CD109: variants seen among roughly 807,000 people sequenced by gnomAD.
CD109 encodes the protein CD109 antigen.
Under a neutral mutation model 165.8 loss-of-function variants are expected in CD109, and 149 were observed. That is an observed-to-expected ratio of 0.90 (90% CI 0.79 to 1.03). CD109 has a LOEUF of 1.03. Ranked by LOEUF, CD109 falls within the 50% of genes least tolerant of loss-of-function variation. CD109 has a pLI of 0.00. For missense variants in CD109, 1,712 were observed against 1,677.8 expected, an observed-to-expected ratio of 1.02 and a Z score of -0.36; for synonymous variants, 585 against 592.1, an observed-to-expected ratio of 0.99 and a Z score of 0.18.
At chr6:73,791,174 TATACACAC>T (rs1774937843) in intron 22 of CD109, among the ~76,000 whole-genome samples, 9 of 30,712 alleles carry the variant, frequency 2.9e-4, no homozygotes, top group African/African-American at 9.7e-4. Context: ...TATATATATA[TATACACAC>T]ACACACATAC....
chr6:73,740,783 G>T (rs2150193596), intron 5 of CD109, among the ~76,000 whole-genome samples: 1 of 151,770 alleles, frequency 6.6e-6, no homozygotes, highest in African/African-American at 2.4e-5. Flanking sequence ...AGTAGAGACG[G>T]TTTCATCATG....
chr6:73,701,797 A>G (rs1771092288), intron 2 of CD109, among the ~76,000 whole-genome samples: 1 of 152,164 alleles, frequency 6.6e-6, no homozygotes, highest in African/African-American at 2.4e-5. Context: ...AAAAAATGCT[A>G]GAGGCTGAGT....
intron 15 of CD109, among the ~76,000 whole-genome samples, chr6:73,777,406 C>G (rs1417354641): frequency 6.6e-6 from 1 of 151,396 alleles, no homozygotes; most frequent in Non-Finnish European, 1.5e-5. Context: ...TAGTTTCTTT[C>G]ACTGTGCAGA....
intron 6 of CD109, among the ~76,000 whole-genome samples, chr6:73,757,315 A>C (rs1773435663): frequency 6.6e-6 from 1 of 152,228 alleles, no homozygotes; most frequent in African/African-American, 2.4e-5. Flanking sequence ...GTAATACCTC[A>C]GGCTCTGTGG....
At chr6:73,707,237 G>T (rs1325711412) in intron 2 of CD109, among the ~76,000 whole-genome samples, 2 of 152,166 alleles carry the variant, frequency 1.3e-5, no homozygotes, top group African/African-American at 4.8e-5. Flanking sequence ...TGAATGCTGC[G>T]AAGGATTCTG....
intron 23 of CD109, among the ~76,000 whole-genome samples, chr6:73,800,936 G>A (rs1582181609): frequency 6.6e-6 from 1 of 152,036 alleles, no homozygotes; most frequent in East Asian, 1.9e-4. Context: ...TGCTTATAGT[G>A]TGTTTTGCCT....
chr6:73,765,435 C>A (rs141734133), intron 10 of CD109, among the ~76,000 whole-genome samples: 82 of 152,158 alleles, frequency 5.4e-4, no homozygotes, highest in Non-Finnish European at 5.3e-4. Context: ...CATGGTTGCT[C>A]ATTTTAGATA....
intron 4 of CD109, among the ~76,000 whole-genome samples, chr6:73,734,960 G>C (rs913904712): frequency 6.6e-6 from 1 of 152,148 alleles, no homozygotes; most frequent in African/African-American, 2.4e-5. Flanking sequence ...AGATATACTA[G>C]GGACTTTCCA....
chr6:73,705,073 G>T (rs1771216003), intron 2 of CD109, among the ~76,000 whole-genome samples: 1 of 152,184 alleles, frequency 6.6e-6, no homozygotes, highest in Non-Finnish European at 1.5e-5. Flanking sequence ...GCTGGCTGGT[G>T]TGGCAGTTAT....
intron 6 of CD109, 140 bp downstream of exon 6, chr6:73,756,822 C>A: frequency 2.0e-6 from 1 of 512,226 alleles, no homozygotes; most frequent in Non-Finnish European, 3.3e-6. Context: ...AAGGCCTAAC[C>A]ATATTTTTTT....
In CD109 at chr6:73,814,985, A is replaced by G. The variant is rs2150305875; in HGVS notation, c.3773A>G (p.Asn1258Ser). ...NGFGFAICQL[N>S]VVYNVKASGS... ...ATGCTAGTTTATTTTTTACAGCTCA[A>G]TGTTGTATATAATGTGAAGGCTTCT... Residue 1258 changes from asparagine to serine, a missense_variant, in exon 30 of 33, where the codon AAT becomes AGT. Coordinates refer to ENST00000287097, the MANE Select transcript of CD109 (RefSeq NM_133493.5). The G allele has an allele frequency of 3.3e-6, 5 of 1,530,396 alleles. No homozygotes were observed. Among genetic ancestry groups the G allele is most frequent in the Non-Finnish European group, 4.3e-6 (5 of 1,150,852 alleles). The allele number at this position is 1,530,396 out of a possible 1,614,324, so 94.8% of individuals were successfully genotyped here.
the CD109 span, among the ~76,000 whole-genome samples, chr6:73,682,334 G>A: frequency 3.3e-3 from 499 of 152,180 alleles, 6 homozygotes; most frequent in African/African-American, 0.011. Flanking sequence ...GGGGCTACAC[G>A]TCCCATGCAA....
At chr6:73,772,104 T>C (rs1774056539) in intron 15 of CD109, among the ~76,000 whole-genome samples, 1 of 152,178 alleles carries the variant, frequency 6.6e-6, no homozygotes, top group Admixed American at 6.5e-5. Flanking sequence ...CTCAAGAAAG[T>C]ACTAGGAAAT....
chr6:73,679,812 T>G, the CD109 span, among the ~76,000 whole-genome samples: 1 of 152,040 alleles, frequency 6.6e-6, no homozygotes, highest in Non-Finnish European at 1.5e-5. Context: ...TTTTTGTGTT[T>G]TTAGTAGAGA....
At chr6:73,719,002 G>A (rs1012357157) in intron 2 of CD109, among the ~76,000 whole-genome samples, 11 of 152,060 alleles carry the variant, frequency 7.2e-5, no homozygotes, top group African/African-American at 2.7e-4. Flanking sequence ...AAAAGAAAGA[G>A]AAACAGGTGA....
intron 27 of CD109, 132 bp from the exon 28 acceptor site, chr6:73,810,860 C>G: frequency 8.1e-6 from 7 of 865,016 alleles, no homozygotes; most frequent in Non-Finnish European, 1.1e-5. Context: ...CAAGGACATT[C>G]AAATATGAAT....
chr6:73,696,659 T>C (rs1697546144), intron 1 of CD109, among the ~76,000 whole-genome samples: 1 of 152,192 alleles, frequency 6.6e-6, no homozygotes, highest in Non-Finnish European at 1.5e-5. Context: ...AACCAAGATG[T>C]CTCAACCTTA....
chr6:73,706,548 A>G, intron 2 of CD109, among the ~76,000 whole-genome samples: 1 of 152,204 alleles, frequency 6.6e-6, no homozygotes, highest in Non-Finnish European at 1.5e-5. Context: ...AAACTTGTCT[A>G]GGAGGATTAA....
chr6:73,817,409 G>T (rs1414302560), intron 30 of CD109, among the ~76,000 whole-genome samples: 1 of 152,076 alleles, frequency 6.6e-6, no homozygotes, highest in Non-Finnish European at 1.5e-5. Flanking sequence ...TTTTGGCTCA[G>T]TGCATTGCCA....
Sources: gnomAD v4.1 joint callset for allele counts (sites outside exome capture counted in the v4.1 genomes callset) on GRCh38, gnomAD v4.1.1 for gene constraint, MANE v1.5 for transcripts, NCBI Gene and HGNC (gene_info 2026-07-23, HGNC 2026-07-21) for gene names.